The following PTN variants were observed in gnomAD, a reference collection of about 807,000 sequenced individuals.
PTN encodes heparin affin regulatory protein.
In PTN, 18 loss-of-function variants were observed where a neutral mutation model predicts 24.1. That is an observed-to-expected ratio of 0.75 (90% CI 0.52 to 1.11). The LOEUF is 1.11. Among genes scored for constraint, PTN ranks in the 50% least tolerant of loss-of-function variants. PTN has a pLI of 0.00. For synonymous variants in PTN, 78 were observed against 68.6 expected, an observed-to-expected ratio of 1.14 and a Z score of -0.67; for missense variants, 163 against 198.8, an observed-to-expected ratio of 0.82 and a Z score of 1.08.
intron 1 of PTN, among the ~76,000 whole-genome samples, chr7:137,270,993 C>G (rs992932835): frequency 6.6e-6 from 1 of 152,170 alleles, no homozygotes; most frequent in Non-Finnish European, 1.5e-5. Flanking sequence ...AAGAAGGCCT[C>G]CAAGCTTTTA....
At position 137,228,075 on chromosome 7, in the gene PTN, G is replaced by T; in HGVS notation, c.452C>A (p.Ala151Glu). 1 of 1,526,898 alleles carries T rather than the reference G, an allele frequency of 6.5e-7. No homozygotes were observed. The highest frequency in any genetic ancestry group is 9.0e-7 in the Non-Finnish European group (1 of 1,105,092). The allele number at this position is 1,526,898 out of a possible 1,614,324, so 94.6% of individuals were successfully genotyped here. A position where few individuals can be genotyped will look rare whatever the true frequency, so the allele number is the denominator to read the frequency against. Residue 151 changes from alanine to glutamate, a missense_variant and splice_region_variant, in exon 5 of 5, where the codon GCA becomes GAA. By Grantham distance (107) the Ala-to-Glu change is moderately radical. Transcript: ENST00000348225. ...TTCCTTTTTCTTCTTCTTAGATTCT[G>T]CTGTGATTACAAAAAAGAGAGACAG... ...CGKLTKPKPQ[A>E]ESKKKKKEGK...
intron 1 of PTN, among the ~76,000 whole-genome samples, chr7:137,321,198 C>T (rs936179258): frequency 6.6e-6 from 1 of 152,174 alleles, no homozygotes; most frequent in Non-Finnish European, 1.5e-5. Context: ...GCATGTTCAC[C>T]ACATTCTCTC....
intron 4 of PTN, among the ~76,000 whole-genome samples, chr7:137,246,900 T>G (rs945721150): frequency 2.0e-5 from 3 of 152,194 alleles, no homozygotes; most frequent in African/African-American, 7.2e-5. Flanking sequence ...TCAAATGAGT[T>G]GCCTAACATT....
intron 1 of PTN, among the ~76,000 whole-genome samples, chr7:137,311,772 A>G (rs1809986595): frequency 2.3e-5 from 3 of 128,326 alleles, no homozygotes; most frequent in Admixed American, 2.1e-4. Context: ...CCCCAAAACA[A>G]TTACAACAGT....
intron 3 of PTN, among the ~76,000 whole-genome samples, chr7:137,253,015 A>T (rs1311121606): frequency 6.6e-6 from 1 of 152,182 alleles, no homozygotes; most frequent in Non-Finnish European, 1.5e-5. Flanking sequence ...AATAAATAAG[A>T]AAAGGGGAAA....
At position 137,239,374 on chromosome 7, in the gene PTN, TTTTATTTATTTA is replaced by T. The variant is rs60204827; in HGVS notation, c.452-11311_452-11300del. Among the ~76,000 whole-genome samples, 202 of 147,834 alleles carry T rather than the reference TTTTATTTATTTA, an allele frequency of 1.4e-3. No individual in the cohort carries two copies. The East Asian group carries it at 0.015, about 11-fold the overall frequency. On this transcript the variant is annotated intron_variant, in intron 4 of 4. Coordinates refer to ENST00000348225, the MANE Select transcript of PTN (RefSeq NM_002825.7). ...AGGGACTATAAGATGTAATTTTCTT[TTTTATTTATTTA>T]TTTATTTATTTATTTATTTATTTAT...
At chr7:137,238,351 T>C (rs1808560895) in intron 4 of PTN, among the ~76,000 whole-genome samples, 1 of 152,190 alleles carries the variant, frequency 6.6e-6, no homozygotes, top group Non-Finnish European at 1.5e-5. Flanking sequence ...CACCTTGCTG[T>C]TCGCCCTTAC....
intron 1 of PTN, among the ~76,000 whole-genome samples, chr7:137,323,417 T>A (rs1810198523): frequency 6.6e-6 from 1 of 152,206 alleles, no homozygotes; most frequent in African/African-American, 2.4e-5. Flanking sequence ...CTGGTGTGAA[T>A]TAATTTTACT....
chr7:137,325,295 G>A (rs1417029111), intron 1 of PTN: 1 of 152,142 alleles, frequency 6.6e-6, no homozygotes, highest in East Asian at 1.9e-4. Context: ...TACTTCCTGA[G>A]CATTCTTTTC....
chr7:137,244,289 T>C (rs1011714106), intron 4 of PTN, among the ~76,000 whole-genome samples: 1 of 152,032 alleles, frequency 6.6e-6, no homozygotes, highest in Non-Finnish European at 1.5e-5. Context: ...CACATTTCAA[T>C]TCTTATTTCT....
rs570717597 is a variant in PTN, at chr7:137,245,291, C to T, written c.451+5939G>A. On this transcript the variant is annotated intron_variant, in intron 4 of 4. Transcript: ENST00000348225. Reference sequence around the variant, plus strand: ...CGAAGAGCTGAGTGACTAGATTATACGTAATACAGTTACGCACCACATAGC... The same window carrying T: ...CGAAGAGCTGAGTGACTAGATTATATGTAATACAGTTACGCACCACATAGC... 1.9e-4 allele frequency among the ~76,000 whole-genome samples: 29 copies of T among 152,288 alleles called. No homozygotes were observed. In the East Asian group the frequency reaches 4.4e-3, roughly 23 times the overall value.
chr7:137,272,060 A>G (rs1308949088), intron 1 of PTN, among the ~76,000 whole-genome samples: 2 of 152,198 alleles, frequency 1.3e-5, no homozygotes, highest in Non-Finnish European at 2.9e-5. Context: ...TAATTTCCCT[A>G]TACCAGCATG....
intron 1 of PTN, among the ~76,000 whole-genome samples, chr7:137,269,899 G>A (rs1240471352): frequency 6.6e-6 from 1 of 151,976 alleles, no homozygotes; most frequent in Non-Finnish European, 1.5e-5. Flanking sequence ...CCAAAGTGCT[G>A]GGATTACAGG....
chr7:137,307,444 A>C (rs1391780645), intron 1 of PTN, among the ~76,000 whole-genome samples: 3 of 152,126 alleles, frequency 2.0e-5, no homozygotes, highest in African/African-American at 7.2e-5. Context: ...GGCCACCTAA[A>C]CTTGATTTAA....
chr7:137,254,722 T>C (rs1296768557), intron 2 of PTN, 137 bp downstream of exon 2: 1 of 504,636 alleles, frequency 2.0e-6, no homozygotes, highest in African/African-American at 1.9e-5. Context: ...GTAATTATTT[T>C]TGAAAAGGGA....
intron 4 of PTN, chr7:137,236,086 T>G (rs1406828617): frequency 1.0e-5 from 7 of 685,372 alleles, no homozygotes; most frequent in Non-Finnish European, 1.9e-5. Context: ...TCATCAACCA[T>G]GCAGAACAAA....
intron 3 of PTN, 59 bp downstream of exon 3, chr7:137,253,405 G>A: frequency 6.8e-7 from 1 of 1,473,082 alleles, no homozygotes; most frequent in Non-Finnish European, 9.1e-7. Flanking sequence ...AAGACATTTG[G>A]TGGAAAAATT....
chr7:137,277,273 G>C (rs1431605163), intron 1 of PTN, among the ~76,000 whole-genome samples: 2 of 152,134 alleles, frequency 1.3e-5, no homozygotes, highest in Admixed American at 1.3e-4. Flanking sequence ...ACCAAACCAA[G>C]TGTTGGCAAA....
At chr7:137,262,667 G>C (rs1031400714) in intron 1 of PTN, among the ~76,000 whole-genome samples, 2 of 152,134 alleles carry the variant, frequency 1.3e-5, no homozygotes, top group African/African-American at 4.8e-5. Context: ...AACCCTAAGG[G>C]GGTCCACATG....
Sources: gnomAD v4.1 joint callset for allele counts (sites outside exome capture counted in the v4.1 genomes callset) on GRCh38, gnomAD v4.1.1 for gene constraint, MANE v1.5 for transcripts, NCBI Gene and HGNC (gene_info 2026-07-23, HGNC 2026-07-21) for gene names.